The following DNAJA1 variants were observed in gnomAD, a reference collection of about 807,000 sequenced individuals.
DNAJA1 encodes dnaJ homolog subfamily A member 1.
A neutral mutation model predicts 47.6 loss-of-function variants in DNAJA1; 26 were observed. The ratio of observed to expected loss-of-function variants is 0.55; its 90% CI spans 0.40 to 0.76. DNAJA1 has a LOEUF of 0.76. DNAJA1 is among the 30% of genes least tolerant of loss of function. DNAJA1 has a pLI of 0.00. For synonymous variants in DNAJA1, 165 were observed against 158.4 expected (o/e 1.04, Z -0.31); for missense variants, 315 against 485.0 (o/e 0.65, Z 3.29).
At chr9:33,027,831 C>A (rs1838897242) in intron 3 of DNAJA1, among the ~76,000 whole-genome samples, 1 of 151,858 alleles carries the variant, frequency 6.6e-6, no homozygotes, top group African/African-American at 2.4e-5. Flanking sequence ...GCCTGGGCAA[C>A]AAGAGTGAAT....
chr9:33,027,021 C>T lies in DNAJA1; in HGVS notation c.310+31C>T, dbSNP rs754576103. The T allele has an allele frequency of 5.0e-6, 8 of 1,612,730 alleles. No individual in the cohort carries two copies. In the Admixed American group the frequency reaches 1.3e-4, roughly 27 times the overall value. ...AAGAATCTAGTCTTTGTGCAGCTAA[C>T]TAAAGTTAGCTGTTGGTCAGAGCAG... On this transcript the variant is annotated intron_variant, in intron 3 of 8. Transcript: ENST00000330899.
chr9:33,025,775 G>C (rs1054149948), intron 1 of DNAJA1, among the ~76,000 whole-genome samples: 2 of 152,160 alleles, frequency 1.3e-5, no homozygotes, highest in African/African-American at 4.8e-5. Context: ...GGGGAGCCGG[G>C]CGGAGACTGC....
At chr9:33,037,681 CAAAAAA>C (rs1453319818) in intron 8 of DNAJA1, among the ~76,000 whole-genome samples, 1 of 151,536 alleles carries the variant, frequency 6.6e-6, no homozygotes, top group African/African-American at 2.4e-5. Context: ...GACCCTGTCT[CAAAAAA>C]AGAAAAAAGA....
At chr9:33,026,712 C>CT in intron 2 of DNAJA1, 96 bp downstream of exon 2, 1 of 1,564,828 alleles carries the variant, frequency 6.4e-7, no homozygotes, top group African/African-American at 1.4e-5. Flanking sequence ...AATATAGTAA[C>CT]TATGATCACT....
intron 4 of DNAJA1, 88 bp downstream of exon 4, chr9:33,030,077 A>G: frequency 1.6e-6 from 2 of 1,274,052 alleles, no homozygotes; most frequent in Middle Eastern, 1.9e-4. Flanking sequence ...CTAGATAGAT[A>G]TGTAAAATTG....
chr9:33,030,132 T>A, intron 4 of DNAJA1, 143 bp downstream of exon 4: 1 of 793,446 alleles, frequency 1.3e-6, no homozygotes, highest in Non-Finnish European at 1.9e-6. Context: ...AGGGCAGATA[T>A]GAAGAAAACC....
chr9:33,030,741 A>C, intron 5 of DNAJA1, 74 bp downstream of exon 5: 1 of 1,285,550 alleles, frequency 7.8e-7, no homozygotes, highest in Non-Finnish European at 1.1e-6. Flanking sequence ...ATAATTGTTT[A>C]AAAATCATTC....
chr9:33,030,048 G>A, intron 4 of DNAJA1, 59 bp downstream of exon 4: 2 of 1,471,748 alleles, frequency 1.4e-6, no homozygotes, highest in South Asian at 2.4e-5. Context: ...TATGACACCT[G>A]AAAATGGAGC....
intron 8 of DNAJA1, 77 bp from the exon 9 acceptor site, chr9:33,038,608 C>T (rs1839070064): frequency 7.4e-7 from 1 of 1,358,964 alleles, no homozygotes; most frequent in Non-Finnish European, 1.0e-6. Flanking sequence ...ATGTGTTTTT[C>T]TGGGGAAAAT....
chr9:33,034,656 C>G (rs1000914573), intron 6 of DNAJA1, among the ~76,000 whole-genome samples: 5 of 152,162 alleles, frequency 3.3e-5, no homozygotes, highest in African/African-American at 1.2e-4. Flanking sequence ...AAAGCTCTCA[C>G]CAGTTTTCAA....
intron 8 of DNAJA1, 183 bp downstream of exon 8, chr9:33,037,298 C>T (rs1488380319): frequency 7.5e-6 from 3 of 402,510 alleles, no homozygotes; most frequent in Admixed American, 8.6e-5. Flanking sequence ...CATAGTGAAA[C>T]CCTGTCTCTT....
At chr9:33,028,282 G>A (rs1256696789) in intron 3 of DNAJA1, among the ~76,000 whole-genome samples, 8 of 152,104 alleles carry the variant, frequency 5.3e-5, no homozygotes, top group African/African-American at 1.9e-4. Context: ...GCTTTATTGT[G>A]TCAAAATTAT....
intron 5 of DNAJA1, among the ~76,000 whole-genome samples, chr9:33,034,001 C>T (rs1353835381): frequency 6.6e-6 from 1 of 152,148 alleles, no homozygotes. Context: ...TGAATAGCAG[C>T]TCTGAGATTT....
chr9:33,032,116 C>T (rs1462518074), intron 5 of DNAJA1, among the ~76,000 whole-genome samples: 1 of 152,078 alleles, frequency 6.6e-6, no homozygotes, highest in African/African-American at 2.4e-5. Context: ...GGTATGATAC[C>T]AATCTGGAAC....
At chr9:33,032,308 A>G (rs1838973693) in intron 5 of DNAJA1, among the ~76,000 whole-genome samples, 2 of 152,256 alleles carry the variant, frequency 1.3e-5, no homozygotes, top group Non-Finnish European at 2.9e-5. Flanking sequence ...AACTTAATAA[A>G]TCTGTGTTTA....
At position 33,036,702 on chromosome 9, in the gene DNAJA1, G is replaced by C; in HGVS notation, c.874+13G>C. ...ACCTCTCATCCAGGTATGGGAACTA[G>C]GCAAGCTTAAACTTCTCTTTTCTAT... On this transcript the variant is annotated intron_variant, in intron 7 of 8. Coordinates refer to ENST00000330899, the MANE Select transcript of DNAJA1 (RefSeq NM_001539.4). The C allele has an allele frequency of 6.3e-7, 1 of 1,584,836 alleles. No individual in the cohort carries two copies. The highest frequency in any genetic ancestry group is 1.1e-5 in the South Asian group (1 of 89,608).
At chr9:33,032,639 C>T (rs1361919547) in intron 5 of DNAJA1, among the ~76,000 whole-genome samples, 1 of 152,238 alleles carries the variant, frequency 6.6e-6, no homozygotes, top group Non-Finnish European at 1.5e-5. Flanking sequence ...CCTACTCTTA[C>T]TCTGTATTCA....
chr9:33,033,491 A>G (rs1224366914), intron 5 of DNAJA1, among the ~76,000 whole-genome samples: 1 of 152,038 alleles, frequency 6.6e-6, no homozygotes, highest in Admixed American at 6.6e-5. Context: ...TGAGCCCAGT[A>G]GTTCAAGACC....
At chr9:33,029,193 A>G (rs1838922125) in intron 3 of DNAJA1, among the ~76,000 whole-genome samples, 1 of 152,250 alleles carries the variant, frequency 6.6e-6, no homozygotes, top group South Asian at 2.1e-4. Flanking sequence ...CCACATTTAC[A>G]TGCTCAATAA....
Sources: gnomAD v4.1 joint callset for allele counts (sites outside exome capture counted in the v4.1 genomes callset) on GRCh38, gnomAD v4.1.1 for gene constraint, MANE v1.5 for transcripts, NCBI Gene and HGNC (gene_info 2026-07-23, HGNC 2026-07-21) for gene names.